The following DAB2IP variants were observed in gnomAD, a reference collection of about 807,000 sequenced individuals.
DAB2IP encodes the protein disabled homolog 2-interacting protein.
A neutral mutation model predicts 107.2 loss-of-function variants in DAB2IP; 28 were observed. The observed-to-expected ratio is 0.26, with a 90% CI of 0.19 to 0.36. DAB2IP has a LOEUF of 0.36. DAB2IP is among the 10% of genes least tolerant of loss of function. The probability of loss-of-function intolerance (pLI) is 1.00; values close to 1 mark genes in which losing one functional copy is unlikely to be tolerated. For synonymous variants in DAB2IP, 755 were observed against 706.4 expected, an observed-to-expected ratio of 1.07 and a Z score of -1.09; for missense variants, 1,400 against 1,644.7, an observed-to-expected ratio of 0.85 and a Z score of 2.57.
rs80296584 is a variant in DAB2IP, at chr9:121,688,545, T to G, written c.228+9764T>G. ...TCTACCCACAATTCCTCCCCATCTC[T>G]CTCTGTCTCCAGAGCTCACTAGTGC... is the stretch of plus-strand genomic sequence containing the variant. On this transcript the variant is annotated intron_variant, in intron 2 of 15. Coordinates refer to ENST00000408936, the Ensembl canonical transcript of DAB2IP. 3.6e-3 allele frequency among the ~76,000 whole-genome samples: 542 copies of G among 152,272 alleles called. 5 individuals carry two copies. Among genetic ancestry groups the G allele is most frequent in the African/African-American group, 0.013 (524 of 41,548 alleles).
chr9:121,606,661 GA>G (rs2118965435), intron 1 of DAB2IP, among the ~76,000 whole-genome samples: 1 of 152,092 alleles, frequency 6.6e-6, no homozygotes, highest in African/African-American at 2.4e-5. Flanking sequence ...TTTTTTCTTT[GA>G]CATTCTTGTG....
intron 2 of DAB2IP, among the ~76,000 whole-genome samples, chr9:121,680,332 A>G (rs918829281): frequency 6.6e-6 from 1 of 152,210 alleles, no homozygotes; most frequent in Admixed American, 6.5e-5. Context: ...ATTTCAGTCC[A>G]CTGGGCCAGG....
intron 10 of DAB2IP, among the ~76,000 whole-genome samples, chr9:121,769,004 A>T (rs778802686): frequency 1.3e-5 from 2 of 152,194 alleles, no homozygotes; most frequent in Non-Finnish European, 2.9e-5. Flanking sequence ...GTCCAGCAGG[A>T]AGTCGAAAAC....
intron 1 of DAB2IP, among the ~76,000 whole-genome samples, chr9:121,611,039 A>C (rs1453631325): frequency 6.6e-6 from 1 of 152,072 alleles, no homozygotes; most frequent in African/African-American, 2.4e-5. Context: ...TGAGTGGTGC[A>C]ATCTTGGCTC....
chr9:121,689,718 A>G (rs1446630701), intron 2 of DAB2IP, among the ~76,000 whole-genome samples: 2 of 152,222 alleles, frequency 1.3e-5, no homozygotes, highest in African/African-American at 4.8e-5. Flanking sequence ...CGCAAACCTG[A>G]AAGTCCCACC....
At position 121,760,204 on chromosome 9, in the gene DAB2IP, C is replaced by T. The variant is rs776864888; in HGVS notation, c.935C>T (p.Pro312Leu). The T allele has an allele frequency of 4.3e-6, 7 of 1,613,652 alleles. No individual in the cohort carries two copies. The highest frequency in any genetic ancestry group is 1.1e-5 in the South Asian group (1 of 91,076). The stretch of plus-strand genomic sequence containing the variant: ...CGGCAGTTCGTGGAGAAGTGGTACC[C>T]GGTGGTGACGCCCAACCCCAAGGGC... Residue 312 changes from proline (P) to leucine (L), a missense_variant, in exon 6 of 16, where the codon CCG (proline) becomes CTG (leucine). By Grantham distance (98) the Pro-to-Leu change is moderately conservative. This residue lies in a region of DAB2IP where 517 missense variants were observed against 748.6 expected (regional missense o/e 0.69). Coordinates refer to ENST00000408936, the Ensembl canonical transcript of DAB2IP. This position sits in a 1 kb window ranked among gnomAD's most constrained non-coding sequence, Gnocchi z 5.9.
intron 14 of DAB2IP, among the ~76,000 whole-genome samples, chr9:121,777,757 T>TAAAGCAAAAACCAGTTG (rs1835308129): frequency 6.6e-6 from 1 of 152,274 alleles, no homozygotes; most frequent in African/African-American, 2.4e-5. Context: ...GTACTATTGT[T>TAAAGCAAAAACCAGTTG]GAATTAATTC....
At chr9:121,572,286 C>T (rs542759536) in intron 1 of DAB2IP, among the ~76,000 whole-genome samples, 30 of 152,270 alleles carry the variant, frequency 2.0e-4, no homozygotes, top group African/African-American at 7.0e-4. Context: ...CTGACTCCCA[C>T]ATGAGACTAT....
intron 1 of DAB2IP, among the ~76,000 whole-genome samples, chr9:121,673,694 A>C (rs1016886980): frequency 1.3e-5 from 2 of 152,180 alleles, no homozygotes; most frequent in African/African-American, 4.8e-5. Context: ...CCAGCGATCC[A>C]TGTCTTCATT....
chr9:121,621,777 G>A (rs1362798873), intron 1 of DAB2IP, among the ~76,000 whole-genome samples: 1 of 149,464 alleles, frequency 6.7e-6, no homozygotes, highest in Non-Finnish European at 1.5e-5. Context: ...CTCCCAAGTA[G>A]GTGGGATTAT....
At chr9:121,605,605 C>T (rs1168358235) in intron 1 of DAB2IP, among the ~76,000 whole-genome samples, 2 of 152,114 alleles carry the variant, frequency 1.3e-5, no homozygotes, top group African/African-American at 4.8e-5. Context: ...CTCAAGTGAT[C>T]CTCCCACCTT....
In DAB2IP at chr9:121,772,897, C is replaced by T. The variant is rs1279427924; in HGVS notation, c.2369C>T (p.Thr790Ile). Reference sequence around the variant, plus strand: ...GTGGCCGGGTGGCCGGCCCGGGCAACCCCAGTGAACCTGGCAGGGCTGGCC... The same window carrying T: ...GTGGCCGGGTGGCCGGCCCGGGCAATCCCAGTGAACCTGGCAGGGCTGGCC... Residue 790 changes from threonine (T) to isoleucine (I), a missense_variant, in exon 12 of 16, where the codon ACC (threonine) becomes ATC (isoleucine). Thr to Ile is a moderately conservative substitution (Grantham distance 89, BLOSUM62 -1). Coordinates refer to ENST00000408936, the Ensembl canonical transcript of DAB2IP. This position sits in a 1 kb window ranked among gnomAD's most constrained non-coding sequence, Gnocchi z 4.7. 6.4e-7 allele frequency: 1 copy of T among 1,573,830 alleles called. No individual in the cohort carries two copies. Among genetic ancestry groups the T allele is most frequent in the Non-Finnish European group, 8.6e-7 (1 of 1,163,856 alleles).
rs1034115010 is a variant in DAB2IP at position 121,698,097 on chromosome 9, G to A, written c.229-1228G>A. On this transcript the variant is annotated intron_variant, in intron 2 of 15. Transcript: ENST00000408936. This position sits in a 1 kb window ranked among gnomAD's most constrained non-coding sequence, Gnocchi z 4.1. ...CACTGCTCCTCTTGAACACAGAGAG[G>A]GCTGCCAAACTGACCCTTTATTTTG... is the stretch of plus-strand genomic sequence containing the variant. 6.6e-6 allele frequency among the ~76,000 whole-genome samples: 1 copy of A among 152,176 alleles called. No individual in the cohort carries two copies. Among genetic ancestry groups the A allele is most frequent in the Non-Finnish European group, 1.5e-5 (1 of 68,030 alleles).
intron 3 of DAB2IP, among the ~76,000 whole-genome samples, chr9:121,715,644 C>T (rs1289640410): frequency 6.6e-6 from 1 of 152,178 alleles, no homozygotes; most frequent in African/African-American, 2.4e-5. Flanking sequence ...TGAGCCACTG[C>T]ACCCGGCCAT....
rs1413334308 is a variant in DAB2IP, at chr9:121,684,423, A to T, written c.228+5642A>T. 6.6e-6 allele frequency among the ~76,000 whole-genome samples: 1 copy of T among 151,934 alleles called. No individual in the cohort carries two copies. On this transcript the variant is annotated intron_variant, in intron 2 of 15. Coordinates refer to ENST00000408936, the Ensembl canonical transcript of DAB2IP. The surrounding 1 kb of genome is among the most constrained non-coding windows in gnomAD (Gnocchi z 4.0). Reference sequence around the variant, plus strand: ...TCCTCCCAGCACCTGGATATCAGCCACCCCGTCTGAGCTGAGCCCTTCTCC... The same window carrying T: ...TCCTCCCAGCACCTGGATATCAGCCTCCCCGTCTGAGCTGAGCCCTTCTCC...
chr9:121,641,656 G>A (rs544033020), intron 1 of DAB2IP, among the ~76,000 whole-genome samples: 1 of 152,206 alleles, frequency 6.6e-6, no homozygotes, highest in Admixed American at 6.5e-5. Context: ...TTTGCACCCT[G>A]GCCTGCTGAC....
intron 3 of DAB2IP, among the ~76,000 whole-genome samples, chr9:121,726,519 A>G (rs1370226239): frequency 3.9e-5 from 6 of 152,346 alleles, no homozygotes; most frequent in African/African-American, 1.2e-4. Context: ...GTAAACCAAC[A>G]CGGGGCTTGC....
At chr9:121,717,461 T>C (rs1177245471) in intron 3 of DAB2IP, among the ~76,000 whole-genome samples, 1 of 152,266 alleles carries the variant, frequency 6.6e-6, no homozygotes, top group African/African-American at 2.4e-5. Flanking sequence ...TAGCTACCCC[T>C]GGCATGTGGA....
Position 121,599,665 on chromosome 9 carries a change from G to A in DAB2IP, c.40+32437G>A, listed in dbSNP as rs1462419042. On this transcript the variant is annotated intron_variant, in intron 1 of 16. Transcript: ENST00000259371. This position sits in a 1 kb window ranked among gnomAD's most constrained non-coding sequence, Gnocchi z 6.9. The stretch of plus-strand genomic sequence containing the variant: ...GAAGGAAACTTTCCTGCAGCCGCCC[G>A]GCGACACCGCGACTCCGCCGCTTCG... Among the ~76,000 whole-genome samples, 1 of 152,160 alleles carries A rather than the reference G, an allele frequency of 6.6e-6. No individual in the cohort carries two copies. The highest frequency in any genetic ancestry group is 1.5e-5 in the Non-Finnish European group (1 of 68,026).
Sources: allele counts gnomAD v4.1 joint callset (sites outside exome capture counted in the v4.1 genomes callset), GRCh38; gene constraint gnomAD v4.1.1; regional missense constraint gnomAD v4.1.1; non-coding constraint Gnocchi (gnomAD v3.1); transcripts MANE v1.5; gene names NCBI Gene and HGNC (gene_info 2026-07-23, HGNC 2026-07-21).